Variants in HIF1AN observed in about 807,000 individuals in gnomAD.
HIF1AN encodes hypoxia inducible factor 1 subunit alpha inhibitor.
Under a neutral mutation model 47.7 loss-of-function variants are expected in HIF1AN, and 21 were observed. That is an observed-to-expected ratio of 0.44 (90% CI 0.31 to 0.63). The LOEUF is 0.63. Ranked by LOEUF, HIF1AN falls within the 30% of genes least tolerant of loss-of-function variation. The pLI is 0.07. For missense variants in HIF1AN, 320 were observed against 432.7 expected, an observed-to-expected ratio of 0.74 and a Z score of 2.31; for synonymous variants, 152 against 155.9, an observed-to-expected ratio of 0.98 and a Z score of 0.18.
At chr10:100,543,074 G>C (rs1041531635) in intron 3 of HIF1AN, among the ~76,000 whole-genome samples, 1 of 152,002 alleles carries the variant, frequency 6.6e-6, no homozygotes, top group African/African-American at 2.4e-5. Context: ...TTAGCTCCTT[G>C]GTTTCTTCTT....
At position 100,557,063 on chromosome 10, in the gene HIF1AN, C is replaced by T. The variant is rs1018356941; in HGVS notation, c.*8926C>T. The T allele has an allele frequency of 5.3e-5, 8 of 152,164 alleles. No homozygotes were observed. The highest frequency in any genetic ancestry group is 1.0e-4 in the Non-Finnish European group (7 of 68,058). The allele number at this position is 152,164 out of a possible 1,614,324, so 9.4% of individuals were successfully genotyped here. A position where few individuals can be genotyped will look rare whatever the true frequency, so the allele number is the denominator to read the frequency against. On this transcript the variant is annotated 3_prime_UTR_variant, in exon 8 of 8. Coordinates refer to ENST00000299163, the MANE Select transcript of HIF1AN (RefSeq NM_017902.3). Reference sequence around the variant, plus strand: ...TAAAGTTGTGGAAGGGACTGAAAGTCCATGAAGTGCTGGGCTGGGGACAGA... The same window carrying T: ...TAAAGTTGTGGAAGGGACTGAAAGTTCATGAAGTGCTGGGCTGGGGACAGA...
chr10:100,551,022 G>T lies in HIF1AN; in HGVS notation c.*2885G>T, dbSNP rs1158867300. 2 of 152,240 alleles carry T rather than the reference G, an allele frequency of 1.3e-5. No individual in the cohort carries two copies. Among genetic ancestry groups the T allele is most frequent in the Admixed American group, 1.3e-4 (2 of 15,288 alleles). 9.4% of individuals were successfully genotyped at this position (152,240 alleles called of 1,614,324 possible). On this transcript the variant is annotated 3_prime_UTR_variant, in exon 8 of 8. Transcript: ENST00000299163. The stretch of plus-strand genomic sequence containing the variant: ...TACAGCAAGTGAAGGTGGGGGTTTG[G>T]GCCTGTATAGAGGTCAGCTACGCTG...
At position 100,553,071 on chromosome 10, in the gene HIF1AN, G is replaced by T. The variant is rs1843179717; in HGVS notation, c.*4934G>T. ...TGAGGCCTCCAGAGGTGGGTTAGGG[G>T]TGGGCACCTACAAGGGCCAGTTGAG... On this transcript the variant is annotated 3_prime_UTR_variant, in exon 8 of 8. Transcript: ENST00000299163. The T allele has an allele frequency of 6.6e-6, 1 of 152,160 alleles. No homozygotes were observed. Among genetic ancestry groups the T allele is most frequent in the Non-Finnish European group, 1.5e-5 (1 of 68,096 alleles). The allele number at this position is 152,160 out of a possible 1,614,324, so 9.4% of individuals were successfully genotyped here.
At chr10:100,541,626 A>T (rs1051988564) in intron 3 of HIF1AN, among the ~76,000 whole-genome samples, 2 of 152,032 alleles carry the variant, frequency 1.3e-5, no homozygotes, top group Non-Finnish European at 2.9e-5. Context: ...TTAGCTCCCA[A>T]GTAGCTGACA....
rs1843139983 is a variant in HIF1AN, at chr10:100,549,992, T to C, written c.*1855T>C. On this transcript the variant is annotated 3_prime_UTR_variant, in exon 8 of 8. Coordinates refer to ENST00000299163, the MANE Select transcript of HIF1AN (RefSeq NM_017902.3). ...GTGTAGCTCTTTCAAATATAGTCAA[T>C]GCTGGGAAATGTGATTGCAGTGATC... is the stretch of plus-strand genomic sequence containing the variant. 6.6e-6 allele frequency: 1 copy of C among 152,162 alleles called. No individual in the cohort carries two copies. Among genetic ancestry groups the C allele is most frequent in the Non-Finnish European group, 1.5e-5 (1 of 68,050 alleles). The allele number at this position is 152,162 out of a possible 1,614,324, so 9.4% of individuals were successfully genotyped here.
In HIF1AN at chr10:100,557,729, C is replaced by G. The variant is rs2133738530; in HGVS notation, c.*9592C>G. On this transcript the variant is annotated 3_prime_UTR_variant, in exon 8 of 8. Coordinates refer to ENST00000299163, the MANE Select transcript of HIF1AN (RefSeq NM_017902.3). ...AAAGTGCTGGGATTACAGGTGCGAG[C>G]TACCACACCTGGCCCTGGATTTCTT... The G allele has an allele frequency of 6.6e-6, 1 of 152,390 alleles. No homozygotes were observed. The highest frequency in any genetic ancestry group is 1.9e-4 in the East Asian group (1 of 5,184). The allele number at this position is 152,390 out of a possible 1,614,324, so 9.4% of individuals were successfully genotyped here. A position where few individuals can be genotyped will look rare whatever the true frequency, so the allele number is the denominator to read the frequency against.
At chr10:100,538,764 T>C (rs1422456269) in intron 2 of HIF1AN, among the ~76,000 whole-genome samples, 1 of 143,220 alleles carries the variant, frequency 7.0e-6, no homozygotes, top group Non-Finnish European at 1.5e-5. Context: ...GAGGTTGCAG[T>C]GAGCCAAGAT....
In HIF1AN at chr10:100,549,065, CGTGTGT is replaced by C. The variant is rs769196012; in HGVS notation, c.*939_*944del. 7.4e-5 allele frequency: 8 copies of C among 108,364 alleles called. No individual in the cohort carries two copies. Among genetic ancestry groups the C allele is most frequent in the Admixed American group, 2.7e-4 (3 of 11,256 alleles). 6.7% of individuals were successfully genotyped at this position (108,364 alleles called of 1,614,324 possible). Reference sequence around the variant, plus strand: ...CTGGGTGTGTGTGTGTGTGTGCGTGCGTGTGTGTGTGTGTGTCCGTGTGTGTGTGTG... The same window carrying C: ...CTGGGTGTGTGTGTGTGTGTGCGTGCGTGTGTGTGTCCGTGTGTGTGTGTG... On this transcript the variant is annotated 3_prime_UTR_variant, in exon 8 of 8. Transcript: ENST00000299163.
chr10:100,541,671 G>A (rs969875794), intron 3 of HIF1AN, among the ~76,000 whole-genome samples: 3 of 151,990 alleles, frequency 2.0e-5, no homozygotes, highest in African/African-American at 7.2e-5. Flanking sequence ...GGCTTATGTC[G>A]AGTCTTTAAG....
chr10:100,556,431 C>G lies in HIF1AN; in HGVS notation c.*8294C>G, dbSNP rs537511210. ...CACAGTCAGAAGGCAAGAAGGAGAC[C>G]CTGGGATGTGCACAAGGATGCAGGA... On this transcript the variant is annotated 3_prime_UTR_variant, in exon 8 of 8. Transcript: ENST00000299163. The G allele has an allele frequency of 6.6e-6, 1 of 152,182 alleles. No individual in the cohort carries two copies. The highest frequency in any genetic ancestry group is 6.5e-5 in the Admixed American group (1 of 15,270). 9.4% of individuals were successfully genotyped at this position (152,182 alleles called of 1,614,324 possible). A position where few individuals can be genotyped will look rare whatever the true frequency, so the allele number is the denominator to read the frequency against.
rs1473887035 is a variant in HIF1AN, at chr10:100,557,897, C to T, written c.*9760C>T. The T allele has an allele frequency of 6.6e-6, 1 of 152,170 alleles. No homozygotes were observed. Among genetic ancestry groups the T allele is most frequent in the East Asian group, 1.9e-4 (1 of 5,196 alleles). The allele number at this position is 152,170 out of a possible 1,614,324, so 9.4% of individuals were successfully genotyped here. A position where few individuals can be genotyped will look rare whatever the true frequency, so the allele number is the denominator to read the frequency against. ...TTCTTCTTAGGAAGCATCGTTTACC[C>T]AGCATAAACAGGAGGACTCAACTGT... On this transcript the variant is annotated 3_prime_UTR_variant, in exon 8 of 8. Transcript: ENST00000299163.
At chr10:100,541,478 G>A (rs1030745432) in intron 3 of HIF1AN, among the ~76,000 whole-genome samples, 2 of 152,090 alleles carry the variant, frequency 1.3e-5, no homozygotes, top group East Asian at 3.8e-4. Context: ...AATAATGTAT[G>A]TCGAGTCTGT....
chr10:100,537,084 T>C (rs1242208953), intron 2 of HIF1AN, among the ~76,000 whole-genome samples: 2 of 152,020 alleles, frequency 1.3e-5, no homozygotes, highest in Non-Finnish European at 2.9e-5. Context: ...TCCCAGCACT[T>C]TGGGAGGCCG....
intron 3 of HIF1AN, among the ~76,000 whole-genome samples, chr10:100,543,473 A>C (rs946433090): frequency 3.1e-4 from 47 of 151,892 alleles, no homozygotes; most frequent in African/African-American, 1.1e-3. Context: ...TTGGCCCCCT[A>C]AAGTGTTGGG....
chr10:100,540,202 A>C (rs1843012330), intron 2 of HIF1AN, among the ~76,000 whole-genome samples: 2 of 143,678 alleles, frequency 1.4e-5, no homozygotes, highest in Admixed American at 7.0e-5. Context: ...TCACCCTCCT[A>C]CTCTTTGGAT....
intron 3 of HIF1AN, among the ~76,000 whole-genome samples, chr10:100,541,228 A>T (rs1163375297): frequency 6.6e-6 from 1 of 151,978 alleles, no homozygotes; most frequent in East Asian, 1.9e-4. Flanking sequence ...AAAAGAAAGA[A>T]AAAGAAACAT....
chr10:100,547,985 A>C, intron 7 of HIF1AN, 108 bp from the exon 8 acceptor site: 1 of 987,920 alleles, frequency 1.0e-6, no homozygotes, highest in Middle Eastern at 2.1e-4. Context: ...TTGTATGAAA[A>C]CATTGTCTCT....
At chr10:100,545,403 G>T in intron 4 of HIF1AN, 1 of 319,386 alleles carries the variant, frequency 3.1e-6, no homozygotes, top group Non-Finnish European at 5.7e-6. Context: ...AAATGTGTAT[G>T]TCTCCATTGG....
Position 100,536,513 on chromosome 10 carries a change from A to G in HIF1AN, c.280A>G (p.Ser94Gly). The change falls in exon 2 of 8, where the codon AGT becomes GGT. Residue 94 changes from serine (S) to glycine (G), a missense_variant. Coordinates refer to ENST00000299163, the MANE Select transcript of HIF1AN (RefSeq NM_017902.3). ...TGGCAATGGAGACTTCTCTGTGTACAGTGCCAGCACCCACAAGTTCTTGTA... is the reference window on the plus strand; with the variant it reads ...TGGCAATGGAGACTTCTCTGTGTACGGTGCCAGCACCCACAAGTTCTTGTA... Reference protein sequence around the residue: ...NIGNGDFSVYSASTHKFLYYD... With the variant: ...NIGNGDFSVYGASTHKFLYYD... 6.2e-7 allele frequency: 1 copy of G among 1,614,218 alleles called. No individual in the cohort carries two copies. The highest frequency in any genetic ancestry group is 8.5e-7 in the Non-Finnish European group (1 of 1,180,048).
Sources: allele counts gnomAD v4.1 joint callset (sites outside exome capture counted in the v4.1 genomes callset), GRCh38; gene constraint gnomAD v4.1.1; transcripts MANE v1.5; gene names NCBI Gene and HGNC (gene_info 2026-07-23, HGNC 2026-07-21).